Variants in CIMAP2 observed in about 807,000 individuals in gnomAD.
CIMAP2 encodes the protein ciliary microtubule associated protein 2.
At chr1:54,827,060 A>G in the CIMAP2 span, among the ~76,000 whole-genome samples, 1 of 152,252 alleles carries the variant, frequency 6.6e-6, no homozygotes, top group African/African-American at 2.4e-5. Context: ...TATGAAATGA[A>G]ACACTTTTTG....
the CIMAP2 span, among the ~76,000 whole-genome samples, chr1:54,823,239 T>C: frequency 6.6e-6 from 1 of 152,246 alleles, no homozygotes; most frequent in African/African-American, 2.4e-5. Context: ...CTTATGTATC[T>C]AAGTGCTCTG....
At chr1:54,840,018 G>C in the CIMAP2 span, among the ~76,000 whole-genome samples, 2 of 150,638 alleles carry the variant, frequency 1.3e-5, no homozygotes, top group Admixed American at 6.6e-5. Context: ...CCAGAGTGCT[G>C]GGACTACAGG....
At chr1:54,821,886 CTTTTTTTTTTTT>C in the CIMAP2 span, among the ~76,000 whole-genome samples, 5 of 66,588 alleles carry the variant, frequency 7.5e-5, no homozygotes, top group South Asian at 2.0e-3. Context: ...CCTCTTATTT[CTTTTTTTTTTTT>C]TTTTTTTTTT....
the CIMAP2 span, among the ~76,000 whole-genome samples, chr1:54,838,152 G>A: frequency 6.6e-6 from 1 of 152,004 alleles, no homozygotes; most frequent in African/African-American, 2.4e-5. Context: ...GTTAATCAAA[G>A]GTTGACTGTG....
chr1:54,819,814 T>TCCTTTC, the CIMAP2 span, among the ~76,000 whole-genome samples: 1 of 76,828 alleles, frequency 1.3e-5, no homozygotes, highest in Non-Finnish European at 3.2e-5. Context: ...CTTTTTCTTT[T>TCCTTTC]TCTTTCTTTC....
chr1:54,813,424 T>G, the CIMAP2 span, among the ~76,000 whole-genome samples: 1 of 152,268 alleles, frequency 6.6e-6, no homozygotes. Context: ...ATAGTTTCAC[T>G]GCCGTCCAAA....
chr1:54,806,931 G>C, the CIMAP2 span: 1 of 1,480,696 alleles, frequency 6.8e-7, no homozygotes, highest in Non-Finnish European at 9.4e-7. Context: ...CCATGCTCCA[G>C]AACTGCCCAC....
chr1:54,836,143 G>A, the CIMAP2 span, among the ~76,000 whole-genome samples: 5 of 151,998 alleles, frequency 3.3e-5, no homozygotes, highest in South Asian at 6.2e-4. Flanking sequence ...GGTGGTTGCC[G>A]TTGAGACTGT....
chr1:54,814,412 AAGCAGGCCCTCTGGGGGTCTG>A, the CIMAP2 span, among the ~76,000 whole-genome samples: 1 of 152,274 alleles, frequency 6.6e-6, no homozygotes, highest in African/African-American at 2.4e-5. Context: ...CCTAGTGTCA[AAGCAGGCCCTCTGGGGGTCTG>A]AGCAGGCCCC....
chr1:54,811,890 A>AT, the CIMAP2 span: 2 of 1,613,606 alleles, frequency 1.2e-6, no homozygotes, highest in Non-Finnish European at 1.7e-6. Context: ...CGAGGGCCTC[A>AT]TGTGCAGGAT....
the CIMAP2 span, among the ~76,000 whole-genome samples, chr1:54,834,590 C>T: frequency 1.6e-4 from 25 of 151,958 alleles, no homozygotes; most frequent in African/African-American, 6.0e-4. Flanking sequence ...TTAGAATTGT[C>T]TTGGATTTGG....
chr1:54,811,775 C>CCCA, the CIMAP2 span: 1 of 484,774 alleles, frequency 2.1e-6, no homozygotes, highest in Non-Finnish European at 4.0e-6. Context: ...GCCTCCATGC[C>CCCA]CCCACCCCCG....
At chr1:54,840,343 T>G in the CIMAP2 span, among the ~76,000 whole-genome samples, 2 of 152,242 alleles carry the variant, frequency 1.3e-5, no homozygotes, top group African/African-American at 2.4e-5. Context: ...TGAGTTGGAT[T>G]GCGTTGTATG....
chr1:54,817,054 A>G, the CIMAP2 span: 11 of 1,614,064 alleles, frequency 6.8e-6, no homozygotes, highest in African/African-American at 1.5e-4. Context: ...GGCGGCAGCG[A>G]TATCGATCCC....
chr1:54,807,890 A>G, the CIMAP2 span: 1 of 1,577,966 alleles, frequency 6.3e-7, no homozygotes, highest in Non-Finnish European at 8.6e-7. Flanking sequence ...TTGGCACAGG[A>G]GCAAAAGCTG....
chr1:54,808,569 C>A, the CIMAP2 span, among the ~76,000 whole-genome samples: 1 of 137,576 alleles, frequency 7.3e-6, no homozygotes, highest in Admixed American at 7.8e-5. Context: ...GTCATGAGGG[C>A]CCTGCAGCCA....
At chr1:54,826,078 C>T in the CIMAP2 span, among the ~76,000 whole-genome samples, 1 of 152,144 alleles carries the variant, frequency 6.6e-6, no homozygotes, top group African/African-American at 2.4e-5. Flanking sequence ...TGGGCACTGG[C>T]AGTGGCAAGT....
At chr1:54,809,875 G>GAA in the CIMAP2 span, among the ~76,000 whole-genome samples, 71 of 147,660 alleles carry the variant, frequency 4.8e-4, no homozygotes, top group East Asian at 7.9e-4. Flanking sequence ...AGTCCAGCCT[G>GAA]AAAAAAAAAC....
the CIMAP2 span, among the ~76,000 whole-genome samples, chr1:54,814,585 G>A: frequency 6.6e-6 from 1 of 152,226 alleles, no homozygotes; most frequent in Non-Finnish European, 1.5e-5. Flanking sequence ...ACGGGGCTGG[G>A]ATTGGAACCC....
Sources: allele counts gnomAD v4.1 joint callset (sites outside exome capture counted in the v4.1 genomes callset), GRCh38; gene constraint gnomAD v4.1.1; transcripts MANE v1.5; gene names NCBI Gene and HGNC (gene_info 2026-07-23, HGNC 2026-07-21).